LRBA: variants seen among roughly 807,000 people sequenced by gnomAD.
The protein encoded by LRBA is lipopolysaccharide-responsive and beige-like anchor protein.
LRBA carries 176 observed loss-of-function variants against 330.0 expected under a neutral mutation model. The observed-to-expected ratio is 0.53, with a 90% CI of 0.47 to 0.60. LRBA has a LOEUF of 0.60. Ranked by LOEUF, LRBA falls within the 20% of genes least tolerant of loss-of-function variation. LRBA has a pLI of 0.00. For synonymous variants in LRBA, 1,230 were observed against 1,193.0 expected (o/e 1.03, Z -0.64); for missense variants, 3,259 against 3,444.8 (o/e 0.95, Z 1.35).
rs772103736 is a variant in LRBA at position 150,490,845 on chromosome 4, T to C, written c.6448+73A>G. 558 of 768,866 alleles carry C rather than the reference T, an allele frequency of 7.3e-4. 3 individuals are homozygous for C. The highest frequency in any genetic ancestry group is 5.3e-4 in the Middle Eastern group (2 of 3,788). 47.6% of individuals were successfully genotyped at this position (768,866 alleles called of 1,614,324 possible). ...AATAACTATCTAAATTGAAGCAATA[T>C]GGTATGTTCAAAAATGAAATCTTAA... On this transcript the variant is annotated intron_variant, in intron 41 of 56. Coordinates refer to ENST00000651943, the MANE Select transcript of LRBA (RefSeq NM_001364905.1).
At chr4:150,412,082 T>G (rs1207546960) in intron 47 of LRBA, among the ~76,000 whole-genome samples, 1 of 152,174 alleles carries the variant, frequency 6.6e-6, no homozygotes, top group Non-Finnish European at 1.5e-5. Context: ...AGGTATTAAA[T>G]TCTTTCATAA....
chr4:150,911,929 A>G (rs970934270), intron 9 of LRBA, among the ~76,000 whole-genome samples: 2 of 152,104 alleles, frequency 1.3e-5, no homozygotes, highest in East Asian at 1.9e-4. Flanking sequence ...AGTAGGATGT[A>G]TATTTCTAGA....
intron 34 of LRBA, among the ~76,000 whole-genome samples, chr4:150,767,571 A>C (rs1334463615): frequency 6.6e-6 from 1 of 151,976 alleles, no homozygotes; most frequent in Non-Finnish European, 1.5e-5. Context: ...CATCCTGGCC[A>C]ACACGGTGAA....
intron 37 of LRBA, among the ~76,000 whole-genome samples, chr4:150,614,493 T>C (rs1775573795): frequency 6.6e-6 from 1 of 152,226 alleles, no homozygotes; most frequent in South Asian, 2.1e-4. Flanking sequence ...CAAGGTTTTA[T>C]TGAAACTTGC....
chr4:150,446,860 G>C (rs1413532144), intron 44 of LRBA, among the ~76,000 whole-genome samples: 1 of 152,124 alleles, frequency 6.6e-6, no homozygotes, highest in African/African-American at 2.4e-5. Flanking sequence ...CATCAACATA[G>C]AGAACTTACA....
chr4:150,556,878 G>T (rs1336570154), intron 40 of LRBA, among the ~76,000 whole-genome samples: 1 of 151,998 alleles, frequency 6.6e-6, no homozygotes, highest in Non-Finnish European at 1.5e-5. Context: ...AGGCCTACAA[G>T]GAAAATGCAA....
chr4:150,582,850 A>G lies in LRBA; in HGVS notation c.6330+5198T>C. ...AGAGGTTTCGAAAGAGGGAAAAGGA[A>G]AAAACAAGCCGGCTACGGTATCAGC... On this transcript the variant is annotated intron_variant, in intron 40 of 56. Coordinates refer to ENST00000651943, the MANE Select transcript of LRBA (RefSeq NM_001364905.1). 3 of 598,100 alleles carry G rather than the reference A, an allele frequency of 5.0e-6. No individual in the cohort carries two copies. In the South Asian group the frequency reaches 1.1e-4, roughly 21 times the overall value. The allele number at this position is 598,100 out of a possible 1,614,324, so 37.0% of individuals were successfully genotyped here. A position where few individuals can be genotyped will look rare whatever the true frequency, so the allele number is the denominator to read the frequency against.
intron 50 of LRBA, among the ~76,000 whole-genome samples, chr4:150,317,629 T>C (rs759636214): frequency 6.6e-5 from 10 of 152,148 alleles, no homozygotes; most frequent in African/African-American, 9.7e-5. Context: ...GCCACTTACT[T>C]CCAGCAATAC....
intron 50 of LRBA, among the ~76,000 whole-genome samples, chr4:150,320,649 T>TA (rs960816862): frequency 6.6e-6 from 1 of 151,408 alleles, no homozygotes; most frequent in African/African-American, 2.4e-5. Context: ...TACGAAAAGT[T>TA]AAAAAAAATT....
intron 34 of LRBA, among the ~76,000 whole-genome samples, chr4:150,793,583 T>C (rs546417959): frequency 6.6e-6 from 1 of 152,330 alleles, no homozygotes; most frequent in East Asian, 1.9e-4. Flanking sequence ...AACAGTACTA[T>C]ACTGGACGCT....
intron 47 of LRBA, among the ~76,000 whole-genome samples, chr4:150,379,657 CAT>C (rs1174284569): frequency 4.6e-5 from 7 of 152,316 alleles, no homozygotes; most frequent in Non-Finnish European, 1.0e-4. Context: ...GGAAATAACT[CAT>C]AGCATACATC....
chr4:150,681,846 C>T (rs1208186943), intron 37 of LRBA, among the ~76,000 whole-genome samples: 1 of 152,080 alleles, frequency 6.6e-6, no homozygotes, highest in Non-Finnish European at 1.5e-5. Context: ...TACCTTAGAA[C>T]AACTCTATTA....
At chr4:150,685,401 TATATATATATATATATA>T (rs1250542617) in intron 36 of LRBA, among the ~76,000 whole-genome samples, 8 of 14,748 alleles carry the variant, frequency 5.4e-4, no homozygotes, top group African/African-American at 1.9e-3. Context: ...TATATATATA[TATATATATATATATATA>T]TATTTTTTTT....
At chr4:150,770,411 C>T (rs1268731574) in intron 34 of LRBA, among the ~76,000 whole-genome samples, 1 of 152,036 alleles carries the variant, frequency 6.6e-6, no homozygotes, top group Non-Finnish European at 1.5e-5. Context: ...TGTATACTTT[C>T]CTAATATCCC....
At chr4:150,802,734 G>A (rs575480797) in intron 33 of LRBA, among the ~76,000 whole-genome samples, 1 of 151,946 alleles carries the variant, frequency 6.6e-6, no homozygotes, top group Non-Finnish European at 1.5e-5. Context: ...AAAATATACA[G>A]GGCATATGGC....
chr4:150,277,458 TC>T (rs1340779532), intron 56 of LRBA, among the ~76,000 whole-genome samples: 2 of 152,140 alleles, frequency 1.3e-5, no homozygotes, highest in Non-Finnish European at 2.9e-5. Context: ...AAGCTTTGCA[TC>T]ACTGTAATCA....
chr4:150,615,645 A>G (rs931221652), intron 37 of LRBA, among the ~76,000 whole-genome samples: 3 of 152,180 alleles, frequency 2.0e-5, no homozygotes, highest in Admixed American at 2.0e-4. Flanking sequence ...TTTAATAAAG[A>G]AAGTCTAAAA....
intron 44 of LRBA, among the ~76,000 whole-genome samples, chr4:150,463,221 G>A (rs563864984): frequency 6.6e-6 from 1 of 151,980 alleles, no homozygotes; most frequent in East Asian, 1.9e-4. Context: ...ACTACCATTG[G>A]TTTATAGGAA....
chr4:150,880,786 T>C (rs1148652), intron 17 of LRBA, among the ~76,000 whole-genome samples: 14,898 of 152,146 alleles, frequency 0.098, 1,074 homozygotes, highest in South Asian at 0.3. Context: ...ACTGACAAAC[T>C]GTGCATTTGA....
Sources: gnomAD v4.1 joint callset for allele counts (sites outside exome capture counted in the v4.1 genomes callset) on GRCh38, gnomAD v4.1.1 for gene constraint, MANE v1.5 for transcripts, NCBI Gene and HGNC (gene_info 2026-07-23, HGNC 2026-07-21) for gene names.